GLB1: variants seen among roughly 807,000 people sequenced by gnomAD.
GLB1 encodes beta-galactosidase.
GLB1 carries 56 observed loss-of-function variants against 74.0 expected under a neutral mutation model. The ratio of observed to expected loss-of-function variants is 0.76; its 90% CI spans 0.61 to 0.94. The LOEUF is 0.94. GLB1 is among the 40% of genes least tolerant of loss of function. The pLI is 0.00. For synonymous variants in GLB1, 323 were observed against 323.6 expected (o/e 1.00, Z 0.02); for missense variants, 787 against 845.5 (o/e 0.93, Z 0.86).
At chr3:33,045,788 G>T in intron 10 of GLB1, 1 of 1,179,300 alleles carries the variant, frequency 8.5e-7, no homozygotes, top group Non-Finnish European at 1.1e-6. Context: ...AGATAATCTG[G>T]CCTGGAAGGA....
chr3:33,096,909 C>A, intron 1 of GLB1, 102 bp downstream of exon 1: 3 of 1,523,860 alleles, frequency 2.0e-6, no homozygotes, highest in Non-Finnish European at 2.6e-6. Context: ...GGGGCTCAGG[C>A]TCCCCGCCCT....
intron 2 of GLB1, among the ~76,000 whole-genome samples, chr3:33,069,224 T>C (rs1190036658): frequency 6.6e-6 from 1 of 151,924 alleles, no homozygotes; most frequent in Non-Finnish European, 1.5e-5. Context: ...ACCCCGTCTC[T>C]ACAAAAAACA....
intron 4 of GLB1, 148 bp from the exon 5 acceptor site, chr3:33,065,705 CG>C: frequency 1.1e-6 from 1 of 888,856 alleles, no homozygotes; most frequent in Non-Finnish European, 1.7e-6. Flanking sequence ...CGGTGGCTCA[CG>C]CCTGTAATCC....
chr3:33,090,287 G>A (rs1700692362), intron 1 of GLB1: 2 of 582,266 alleles, frequency 3.4e-6, no homozygotes, highest in South Asian at 1.5e-4. Flanking sequence ...AAAGAGTACA[G>A]GTGGGGCAGG....
chr3:33,072,002 G>A (rs528993211), intron 2 of GLB1, among the ~76,000 whole-genome samples: 2 of 152,126 alleles, frequency 1.3e-5, no homozygotes, highest in South Asian at 4.2e-4. Flanking sequence ...GTTTTCCTTG[G>A]GTCTTCTTTT....
At chr3:32,968,850 G>A in the GLB1 span, among the ~76,000 whole-genome samples, 1 of 152,218 alleles carries the variant, frequency 6.6e-6, no homozygotes, top group Admixed American at 6.5e-5. Flanking sequence ...ATAAAGTCAT[G>A]GCATCGCCCA....
At chr3:32,981,819 G>A in the GLB1 span, among the ~76,000 whole-genome samples, 5 of 151,690 alleles carry the variant, frequency 3.3e-5, no homozygotes, top group South Asian at 2.1e-4. Context: ...ACAAAGTTAC[G>A]TCAGTTTGTT....
intron 10 of GLB1, among the ~76,000 whole-genome samples, chr3:33,040,880 ACTG>A: frequency 6.6e-6 from 1 of 152,356 alleles, no homozygotes; most frequent in East Asian, 1.9e-4. Flanking sequence ...TAAAATTCGA[ACTG>A]CTAATGTGAA....
At chr3:33,070,683 A>G (rs1339700566) in intron 2 of GLB1, among the ~76,000 whole-genome samples, 1 of 152,126 alleles carries the variant, frequency 6.6e-6, no homozygotes, top group African/African-American at 2.4e-5. Flanking sequence ...ATCTCTAAAA[A>G]CAAAGCAAAA....
the GLB1 span, among the ~76,000 whole-genome samples, chr3:32,980,286 A>G: frequency 2.2e-4 from 34 of 152,322 alleles, no homozygotes; most frequent in African/African-American, 8.2e-4. Flanking sequence ...TCCTGGCCTC[A>G]AGTAATCCTT....
chr3:33,086,973 A>G (rs898288566), intron 1 of GLB1, among the ~76,000 whole-genome samples: 1 of 152,000 alleles, frequency 6.6e-6, no homozygotes, highest in Non-Finnish European at 1.5e-5. Context: ...AGAGAATAGA[A>G]AGATAGTAGG....
chr3:33,037,239 T>G (rs1411349211), intron 10 of GLB1, among the ~76,000 whole-genome samples: 1 of 152,028 alleles, frequency 6.6e-6, no homozygotes, highest in Non-Finnish European at 1.5e-5. Flanking sequence ...GGAGATGGGA[T>G]TTCACCATTT....
At chr3:33,092,342 G>T in intron 1 of GLB1, 1 of 987,700 alleles carries the variant, frequency 1.0e-6, no homozygotes, top group Non-Finnish European at 1.2e-6. Flanking sequence ...CTTCCATCTT[G>T]CCTGTTCTCC....
chr3:33,057,877 T>C (rs1438091333), intron 6 of GLB1, among the ~76,000 whole-genome samples: 1 of 152,238 alleles, frequency 6.6e-6, no homozygotes, highest in African/African-American at 2.4e-5. Flanking sequence ...GCTCCACCAG[T>C]GCTGAAAATG....
intron 9 of GLB1, among the ~76,000 whole-genome samples, chr3:33,051,233 C>CAAAAAAAA (rs35399363): frequency 1.3e-5 from 1 of 76,408 alleles, no homozygotes; most frequent in African/African-American, 6.2e-5. Flanking sequence ...GACTGCGTCT[C>CAAAAAAAA]AAAAAAAAAA....
intron 10 of GLB1, among the ~76,000 whole-genome samples, chr3:33,028,078 T>C (rs1023164666): frequency 1.3e-5 from 2 of 152,072 alleles, no homozygotes; most frequent in Non-Finnish European, 2.9e-5. Context: ...TTTTTATTTT[T>C]ATTTTTGTAG....
rs756575833 is a variant in GLB1, at chr3:33,058,253, C to T, written c.569G>A (p.Gly190Asp). Reference protein sequence around the residue: ...VITVQVENEYGSYFACDFDYL... With the variant: ...VITVQVENEYDSYFACDFDYL... The stretch of plus-strand genomic sequence containing the variant: ...GTCAAAATCACAGGCAAAGTAGCTG[C>T]CATATTCATTTTCAACCTGTGAGTG... Residue 190 changes from glycine to aspartate, a missense_variant, in exon 6 of 16, where the codon GGC (glycine) becomes GAC (aspartate). Coordinates refer to ENST00000307363, the MANE Select transcript of GLB1 (RefSeq NM_000404.4). 5.0e-6 allele frequency: 8 copies of T among 1,613,958 alleles called. No homozygotes were observed. Among genetic ancestry groups the T allele is most frequent in the South Asian group, 4.4e-5 (4 of 91,070 alleles).
intron 1 of GLB1, chr3:33,091,494 C>A (rs1478485920): frequency 1.0e-6 from 1 of 985,386 alleles, no homozygotes; most frequent in South Asian, 4.7e-5. Context: ...ATCCTCTGGG[C>A]ACCTGTGCCC....
In GLB1 at chr3:33,077,583, T is replaced by C. The variant is rs57675327; in HGVS notation, c.76-4870A>G. 1.4e-3 allele frequency: 777 copies of C among 537,270 alleles called. 5 individuals are homozygous for C. Among genetic ancestry groups the C allele is most frequent in the African/African-American group, 0.014 (705 of 50,890 alleles). 33.3% of individuals were successfully genotyped at this position (537,270 alleles called of 1,614,324 possible). A position where few individuals can be genotyped will look rare whatever the true frequency, so the allele number is the denominator to read the frequency against. The stretch of plus-strand genomic sequence containing the variant: ...AAAACTGCAATTTGGTTCCACCACA[T>C]CCTGACTACTACAGTATAGTTTTCT... On this transcript the variant is annotated intron_variant, in intron 1 of 15. Transcript: ENST00000307363.
Sources: gnomAD v4.1 joint callset for allele counts (sites outside exome capture counted in the v4.1 genomes callset) on GRCh38, gnomAD v4.1.1 for gene constraint, MANE v1.5 for transcripts, NCBI Gene and HGNC (gene_info 2026-07-23, HGNC 2026-07-21) for gene names.